Variants in NRF1 observed in about 807,000 individuals in gnomAD.
The protein encoded by NRF1 is nuclear respiratory factor 1.
In NRF1, 5 loss-of-function variants were observed where a neutral mutation model predicts 58.5. The observed-to-expected ratio is 0.09, with a 90% CI of 0.04 to 0.18. NRF1 has a LOEUF of 0.18. Ranked by LOEUF, NRF1 falls within the 10% of genes least tolerant of loss-of-function variation. The probability of loss-of-function intolerance (pLI) is 1.00; values close to 1 mark genes in which losing one functional copy is unlikely to be tolerated. For synonymous variants in NRF1, 224 were observed against 246.7 expected (o/e 0.91, Z 0.86); for missense variants, 288 against 657.7 (o/e 0.44, Z 6.15).
intron 10 of NRF1, among the ~76,000 whole-genome samples, chr7:129,751,141 G>T (rs1804106183): frequency 6.6e-6 from 1 of 152,222 alleles, no homozygotes; most frequent in Non-Finnish European, 1.5e-5. Flanking sequence ...AGGCTGGGGA[G>T]GAGCCCCCTC....
chr7:129,634,059 TATACACACACAC>T (rs1348216033), intron 1 of NRF1, among the ~76,000 whole-genome samples: 13 of 124,824 alleles, frequency 1.0e-4, no homozygotes, highest in African/African-American at 3.3e-4. Flanking sequence ...TATATATATA[TATACACACACAC>T]ACACACACAC....
chr7:129,663,860 T>C (rs1381590197), intron 2 of NRF1, among the ~76,000 whole-genome samples: 1 of 152,122 alleles, frequency 6.6e-6, no homozygotes, highest in Admixed American at 6.5e-5. Context: ...TGAGCGAGAC[T>C]CCGTCTGCAA....
chr7:129,679,370 A>T (rs1028677380), intron 4 of NRF1, among the ~76,000 whole-genome samples: 1 of 152,216 alleles, frequency 6.6e-6, no homozygotes, highest in African/African-American at 2.4e-5. Flanking sequence ...TTTGCAAATC[A>T]TGTCTGATAA....
intron 1 of NRF1, among the ~76,000 whole-genome samples, chr7:129,621,767 T>C (rs1255913353): frequency 6.7e-6 from 1 of 149,370 alleles, no homozygotes; most frequent in African/African-American, 2.5e-5. Flanking sequence ...ATTTTAAAAG[T>C]TTTTCTCCAT....
At chr7:129,684,089 A>G (rs1802390417) in intron 4 of NRF1, among the ~76,000 whole-genome samples, 1 of 152,172 alleles carries the variant, frequency 6.6e-6, no homozygotes, top group South Asian at 2.1e-4. Flanking sequence ...TGGAAAAGAA[A>G]GAAACTCCAT....
chr7:129,612,995 C>T (rs1800572557), intron 1 of NRF1, among the ~76,000 whole-genome samples: 1 of 152,182 alleles, frequency 6.6e-6, no homozygotes, highest in Non-Finnish European at 1.5e-5. Flanking sequence ...ATATTAATTG[C>T]TTATTTTAGA....
At chr7:129,616,735 T>G (rs182611204) in intron 1 of NRF1, among the ~76,000 whole-genome samples, 1 of 152,196 alleles carries the variant, frequency 6.6e-6, no homozygotes, top group Admixed American at 6.5e-5. Flanking sequence ...CCAGATCTGG[T>G]AGTCTGCCTT....
At chr7:129,709,278 A>T in intron 6 of NRF1, 45 bp downstream of exon 6, 1 of 1,397,186 alleles carries the variant, frequency 7.2e-7, no homozygotes, top group Non-Finnish European at 9.4e-7. Flanking sequence ...TTTCCATCCT[A>T]AATTAACCAC....
intron 1 of NRF1, among the ~76,000 whole-genome samples, chr7:129,639,238 T>A (rs1801236419): frequency 6.6e-6 from 1 of 151,952 alleles, no homozygotes; most frequent in South Asian, 2.1e-4. Flanking sequence ...TATTGTGTTT[T>A]TAGTAGAGAT....
chr7:129,740,199 G>GTGT (rs1803814378), intron 10 of NRF1, among the ~76,000 whole-genome samples: 1 of 152,228 alleles, frequency 6.6e-6, no homozygotes, highest in African/African-American at 2.4e-5. Flanking sequence ...CCTGGGAGAT[G>GTGT]TGTTGATGGC....
chr7:129,679,451 T>G (rs1213645592), intron 4 of NRF1, among the ~76,000 whole-genome samples: 1 of 152,186 alleles, frequency 6.6e-6, no homozygotes, highest in Non-Finnish European at 1.5e-5. Flanking sequence ...TGATATATAT[T>G]GAGAATATAT....
intron 1 of NRF1, among the ~76,000 whole-genome samples, chr7:129,626,422 C>T (rs1277518659): frequency 1.3e-5 from 2 of 152,118 alleles, no homozygotes; most frequent in African/African-American, 2.4e-5. Context: ...TATCTGTAGC[C>T]ACATCATAAG....
intron 1 of NRF1, among the ~76,000 whole-genome samples, chr7:129,629,414 G>GTTACA (rs772563886): frequency 8.6e-5 from 13 of 151,986 alleles, no homozygotes; most frequent in Non-Finnish European, 1.5e-4. Context: ...AGTAGCTGGG[G>GTTACA]TTACAGCTGC....
intron 5 of NRF1, among the ~76,000 whole-genome samples, chr7:129,699,975 T>TAAA (rs11426755): frequency 7.0e-6 from 1 of 143,048 alleles, no homozygotes. Flanking sequence ...CCGTCTCCAC[T>TAAA]AAAAAAAAAA....
Position 129,755,468 on chromosome 7 carries a change from GTGTA to G in NRF1, c.*291_*294del, listed in dbSNP as rs1279921116. 1.1e-5 allele frequency: 3 copies of G among 279,354 alleles called. No individual in the cohort carries two copies. The highest frequency in any genetic ancestry group is 1.1e-4 in the Admixed American group (2 of 18,956). 17.3% of individuals were successfully genotyped at this position (279,354 alleles called of 1,614,324 possible). A position where few individuals can be genotyped will look rare whatever the true frequency, so the allele number is the denominator to read the frequency against. ...GAAATGTGTGTGTATACTTATGTGT[GTGTA>G]TGTGTGAGTGTGAATATATGTATAT... is the stretch of plus-strand genomic sequence containing the variant. On this transcript the variant is annotated 3_prime_UTR_variant, in exon 11 of 11. Coordinates refer to ENST00000393232, the MANE Select transcript of NRF1 (RefSeq NM_005011.5). The surrounding 1 kb of genome is among the most constrained non-coding windows in gnomAD (Gnocchi z 5.8).
intron 4 of NRF1, 86 bp from the exon 5 acceptor site, chr7:129,690,320 C>A: frequency 6.9e-7 from 1 of 1,440,486 alleles, no homozygotes. Flanking sequence ...TCAGGAAGGC[C>A]AGCCCCACCC....
At chr7:129,657,595 A>T (rs1327175090) in intron 2 of NRF1, 21 bp downstream of exon 2, 1 of 1,479,730 alleles carries the variant, frequency 6.8e-7, no homozygotes, top group Admixed American at 2.0e-5. Context: ...TTGGATTAGA[A>T]GCTCTTCTTT....
intron 2 of NRF1, among the ~76,000 whole-genome samples, chr7:129,663,479 T>C (rs866679437): frequency 2.5e-5 from 3 of 121,500 alleles, no homozygotes; most frequent in East Asian, 2.4e-4. Context: ...GAGGTGCTCC[T>C]CACCTCCCAG....
intron 6 of NRF1, among the ~76,000 whole-genome samples, chr7:129,709,725 CTTTCTT>C (rs1231816958): frequency 7.1e-6 from 1 of 140,972 alleles, no homozygotes; most frequent in Non-Finnish European, 1.5e-5. Flanking sequence ...TCTTTCTTTT[CTTTCTT>C]TTTTTTTTTT....
Sources: allele counts gnomAD v4.1 joint callset (sites outside exome capture counted in the v4.1 genomes callset), GRCh38; gene constraint gnomAD v4.1.1; non-coding constraint Gnocchi (gnomAD v3.1); transcripts MANE v1.5; gene names NCBI Gene and HGNC (gene_info 2026-07-23, HGNC 2026-07-21).